The following FAM13C variants were observed in gnomAD, a reference collection of about 807,000 sequenced individuals.
The protein encoded by FAM13C is protein FAM13C.
Under a neutral mutation model 73.2 loss-of-function variants are expected in FAM13C, and 37 were observed. That is an observed-to-expected ratio of 0.51 (90% CI 0.39 to 0.67). FAM13C has a LOEUF of 0.67. Ranked by LOEUF, FAM13C falls within the 30% of genes least tolerant of loss-of-function variation. The probability of loss-of-function intolerance (pLI) is 0.00; values close to 1 mark genes in which losing one functional copy is unlikely to be tolerated. For missense variants in FAM13C, 589 were observed against 715.6 expected (o/e 0.82, Z 2.02); for synonymous variants, 246 against 260.9 (o/e 0.94, Z 0.55).
chr10:59,273,578 AACT>A (rs1828662423), intron 6 of FAM13C, among the ~76,000 whole-genome samples: 1 of 152,136 alleles, frequency 6.6e-6, no homozygotes, highest in African/African-American at 2.4e-5. Context: ...TCTTCATAAC[AACT>A]ACATGAGGCT....
intron 4 of FAM13C, among the ~76,000 whole-genome samples, chr10:59,305,504 A>T (rs1346993293): frequency 6.6e-6 from 1 of 152,224 alleles, no homozygotes; most frequent in Non-Finnish European, 1.5e-5. Context: ...ATTCTGCTCC[A>T]ATTTGCATCC....
At chr10:59,340,607 G>A (rs1853367063) in intron 3 of FAM13C, among the ~76,000 whole-genome samples, 1 of 151,788 alleles carries the variant, frequency 6.6e-6, no homozygotes, top group Non-Finnish European at 1.5e-5. Flanking sequence ...GTGGGAGTGG[G>A]GTACTCAGAG....
At chr10:59,326,448 T>C (rs1430256852) in intron 3 of FAM13C, among the ~76,000 whole-genome samples, 2 of 152,150 alleles carry the variant, frequency 1.3e-5, no homozygotes, top group South Asian at 2.1e-4. Flanking sequence ...TCTGATGTGA[T>C]AGGTATGTGT....
At chr10:59,336,673 C>T (rs1852761683) in intron 3 of FAM13C, among the ~76,000 whole-genome samples, 1 of 152,226 alleles carries the variant, frequency 6.6e-6, no homozygotes, top group Non-Finnish European at 1.5e-5. Flanking sequence ...ATGGGAAATT[C>T]TCCAAGTGCA....
At chr10:59,279,908 A>G (rs575987220) in intron 6 of FAM13C, among the ~76,000 whole-genome samples, 5 of 152,282 alleles carry the variant, frequency 3.3e-5, no homozygotes, top group Non-Finnish European at 7.4e-5. Context: ...ATCAGGTGCC[A>G]GCCTGGTCAA....
chr10:59,362,049 C>A (rs1014429097), intron 1 of FAM13C, among the ~76,000 whole-genome samples: 1 of 152,272 alleles, frequency 6.6e-6, no homozygotes, highest in South Asian at 2.1e-4. Context: ...ATATAGTGTG[C>A]ACTCCATGAA....
intron 3 of FAM13C, among the ~76,000 whole-genome samples, chr10:59,331,097 G>A (rs112391687): frequency 2.0e-5 from 3 of 152,278 alleles, no homozygotes; most frequent in African/African-American, 7.2e-5. Flanking sequence ...CCTAGTTCCT[G>A]CCCTCAGGGA....
chr10:59,290,864 C>T (rs1846142867), intron 5 of FAM13C, among the ~76,000 whole-genome samples: 1 of 152,134 alleles, frequency 6.6e-6, no homozygotes, highest in South Asian at 2.1e-4. Context: ...CCAGTATTTG[C>T]AGGGGGGGCA....
intron 3 of FAM13C, among the ~76,000 whole-genome samples, chr10:59,324,525 CACCCCACACACAT>C (rs1850825722): frequency 1.3e-5 from 2 of 151,988 alleles, no homozygotes; most frequent in Non-Finnish European, 1.5e-5. Flanking sequence ...CACACACACA[CACCCCACACACAT>C]GAGATTGGAA....
At chr10:59,286,901 G>T (rs1354195110) in intron 5 of FAM13C, among the ~76,000 whole-genome samples, 1 of 151,528 alleles carries the variant, frequency 6.6e-6, no homozygotes, top group African/African-American at 2.4e-5. Context: ...GGGTGTGGTG[G>T]CACGCACCTG....
At chr10:59,351,764 C>T (rs551501316) in intron 3 of FAM13C, among the ~76,000 whole-genome samples, 1 of 152,072 alleles carries the variant, frequency 6.6e-6, no homozygotes, top group Admixed American at 6.5e-5. Flanking sequence ...GAGGCCGAGG[C>T]GGGTGGATCA....
intron 12 of FAM13C, among the ~76,000 whole-genome samples, chr10:59,252,489 A>G (rs1841490277): frequency 6.6e-6 from 1 of 152,098 alleles, no homozygotes. Context: ...AAGAAGGCCA[A>G]ATTATCATGA....
intron 4 of FAM13C, among the ~76,000 whole-genome samples, chr10:59,315,229 T>C (rs1238010497): frequency 6.6e-6 from 1 of 152,196 alleles, no homozygotes; most frequent in Non-Finnish European, 1.5e-5. Flanking sequence ...TTTAATCACC[T>C]GTAATTCATC....
intron 10 of FAM13C, among the ~76,000 whole-genome samples, chr10:59,256,486 C>T (rs897964213): frequency 4.6e-5 from 7 of 152,190 alleles, no homozygotes; most frequent in Non-Finnish European, 5.9e-5. Flanking sequence ...AATTCGGGAA[C>T]AAGTACAATG....
chr10:59,314,832 C>T (rs1309539334), intron 4 of FAM13C, among the ~76,000 whole-genome samples: 1 of 152,188 alleles, frequency 6.6e-6, no homozygotes, highest in African/African-American at 2.4e-5. Flanking sequence ...AGACTTTCTA[C>T]TGAGGCAAAT....
At chr10:59,312,725 G>C (rs1276816969) in intron 4 of FAM13C, among the ~76,000 whole-genome samples, 1 of 152,176 alleles carries the variant, frequency 6.6e-6, no homozygotes, top group Admixed American at 6.5e-5. Context: ...GATGCGACTT[G>C]ACACAAGATG....
At chr10:59,331,598 CT>C (rs1851995334) in intron 3 of FAM13C, among the ~76,000 whole-genome samples, 1 of 152,006 alleles carries the variant, frequency 6.6e-6, no homozygotes, top group Non-Finnish European at 1.5e-5. Flanking sequence ...CAGATTTGCA[CT>C]GGAATAAATC....
At chr10:59,331,082 C>A (rs529584052) in intron 3 of FAM13C, among the ~76,000 whole-genome samples, 1 of 152,308 alleles carries the variant, frequency 6.6e-6, no homozygotes, top group South Asian at 2.1e-4. Context: ...ACATTCTGTG[C>A]TCTTCCTAGT....
intron 12 of FAM13C, 120 bp downstream of exon 12, chr10:59,252,679 C>T (rs1841510332): frequency 1.1e-6 from 1 of 892,992 alleles, no homozygotes; most frequent in African/African-American, 1.7e-5. Flanking sequence ...GATAAAGGCC[C>T]TGAGAACTGT....
Sources: gnomAD v4.1 joint callset for allele counts (sites outside exome capture counted in the v4.1 genomes callset) on GRCh38, gnomAD v4.1.1 for gene constraint, MANE v1.5 for transcripts, NCBI Gene and HGNC (gene_info 2026-07-23, HGNC 2026-07-21) for gene names.